Variants in PDZD2 observed in about 807,000 individuals in gnomAD.
The protein encoded by PDZD2 is PDZ domain-containing protein 2.
PDZD2 carries 90 observed loss-of-function variants against 220.7 expected under a neutral mutation model. The observed-to-expected ratio is 0.41, with a 90% CI of 0.34 to 0.49. The LOEUF (loss-of-function observed/expected upper bound fraction) is 0.49, where lower values mean the gene tolerates loss of function less well. Ranked by LOEUF, PDZD2 falls within the 20% of genes least tolerant of loss-of-function variation. The pLI is 0.28. For synonymous variants in PDZD2, 1,375 were observed against 1,450.5 expected (o/e 0.95, Z 1.18); for missense variants, 3,174 against 3,608.5 (o/e 0.88, Z 3.08).
chr5:31,893,522 A>G (rs1294424443), intron 2 of PDZD2, among the ~76,000 whole-genome samples: 1 of 152,194 alleles, frequency 6.6e-6, no homozygotes, highest in Non-Finnish European at 1.5e-5. Context: ...GTGAGCTGAG[A>G]TTGCATCACT....
At chr5:31,987,952 A>G (rs1171940135) in intron 3 of PDZD2, among the ~76,000 whole-genome samples, 1 of 152,090 alleles carries the variant, frequency 6.6e-6, no homozygotes, top group Non-Finnish European at 1.5e-5. Context: ...TCCTTTTGAA[A>G]TCCTGCAGCT....
chr5:32,091,127 C>G lies in PDZD2; in HGVS notation c.7679C>G (p.Thr2560Arg). The G allele has an allele frequency of 6.3e-7, 1 of 1,592,918 alleles. No individual in the cohort carries two copies. Among genetic ancestry groups the G allele is most frequent in the Non-Finnish European group, 8.6e-7 (1 of 1,163,308 alleles). Reference sequence around the variant, plus strand: ...GAGACACCCAGTTCAGCCAGTGATACGGGTGAAGCTGCCCAGGATCTGCCT... The same window carrying G: ...GAGACACCCAGTTCAGCCAGTGATAGGGGTGAAGCTGCCCAGGATCTGCCT... ...AAETPSSASD[T>R]GEAAQDLPFR... Residue 2560 changes from threonine to arginine, a missense_variant, in exon 20 of 25, where the codon ACG becomes AGG. By Grantham distance (71) the Thr-to-Arg change is moderately conservative (BLOSUM62 -1). Around this residue, in one of 4 missense-constraint regions of PDZD2, gnomAD observed 631 missense variants for 789.9 expected, o/e 0.80. Coordinates refer to ENST00000438447, the MANE Select transcript of PDZD2 (RefSeq NM_178140.4).
chr5:31,927,747 C>T (rs1221392662), intron 2 of PDZD2, among the ~76,000 whole-genome samples: 1 of 152,148 alleles, frequency 6.6e-6, no homozygotes, highest in African/African-American at 2.4e-5. Context: ...CATCTAGCTC[C>T]AGAAGATCTA....
chr5:32,058,052 A>G lies in PDZD2; in HGVS notation c.2149A>G (p.Lys717Glu), dbSNP rs1225251048. 6.2e-7 allele frequency: 1 copy of G among 1,611,302 alleles called. No individual in the cohort carries two copies. Among genetic ancestry groups the G allele is most frequent in the African/African-American group, 1.3e-5 (1 of 74,848 alleles). Residue 717 changes from lysine to glutamate, a missense_variant, in exon 12 of 25, where the codon AAG (lysine) becomes GAG (glutamate). By Grantham distance (56) the Lys-to-Glu change is moderately conservative. Coordinates refer to ENST00000438447, the MANE Select transcript of PDZD2 (RefSeq NM_178140.4). Reference protein sequence around the residue: ...DEGSSSSLGRKTPGPKDRIVM... With the variant: ...DEGSSSSLGRETPGPKDRIVM... ...AGGCAGTTCTTCATCCCTGGGTCGG[A>G]AGACCCCTGGGCCCAAGGACAGGAT...
intron 2 of PDZD2, among the ~76,000 whole-genome samples, chr5:31,882,960 G>A (rs1740060692): frequency 7.1e-6 from 1 of 141,742 alleles, no homozygotes; most frequent in Non-Finnish European, 1.5e-5. Context: ...AACCCTGGAG[G>A]CAGAGGTTGC....
At position 32,058,049 on chromosome 5, in the gene PDZD2, C is replaced by T. The variant is rs761710519; in HGVS notation, c.2146C>T (p.Arg716Trp). 94 of 1,612,000 alleles carry T rather than the reference C, an allele frequency of 5.8e-5. No individual in the cohort carries two copies. The East Asian group carries it at 1.1e-3, about 19-fold the overall frequency. The change falls in exon 12 of 25, where the codon CGG becomes TGG. Residue 716 changes from arginine to tryptophan, a missense_variant. Transcript: ENST00000438447. ...SDEGSSSSLGRKTPGPKDRIV... is the reference protein window; with the variant it reads ...SDEGSSSSLGWKTPGPKDRIV... Reference sequence around the variant, plus strand: ...TGAAGGCAGTTCTTCATCCCTGGGTCGGAAGACCCCTGGGCCCAAGGACAG... The same window carrying T: ...TGAAGGCAGTTCTTCATCCCTGGGTTGGAAGACCCCTGGGCCCAAGGACAG...
intron 2 of PDZD2, among the ~76,000 whole-genome samples, chr5:31,902,550 T>C (rs1370951050): frequency 6.6e-6 from 1 of 150,968 alleles, no homozygotes; most frequent in Non-Finnish European, 1.5e-5. Context: ...GGGTGCAATT[T>C]CAGCTCACTG....
chr5:32,089,387 G>A lies in PDZD2; in HGVS notation c.5939G>A (p.Arg1980Lys). ...CCCTCAGTGTCTGACACGAGCATCA[G>A]GACATTTGTCTCGCCCCTGACCTCT... Reference protein sequence around the residue: ...LKPSVSDTSIRTFVSPLTSPK... With the variant: ...LKPSVSDTSIKTFVSPLTSPK... Residue 1980 changes from arginine (R) to lysine (K), a missense_variant, in exon 20 of 25, where the codon AGG becomes AAG. Coordinates refer to ENST00000438447, the MANE Select transcript of PDZD2 (RefSeq NM_178140.4). 1 of 1,614,088 alleles carries A rather than the reference G, an allele frequency of 6.2e-7. No homozygotes were observed. Among genetic ancestry groups the A allele is most frequent in the Non-Finnish European group, 8.5e-7 (1 of 1,180,020 alleles).
intron 1 of PDZD2, among the ~76,000 whole-genome samples, chr5:31,776,450 TTTTATTTA>T (rs10592711): frequency 0.031 from 4,362 of 139,132 alleles, 211 homozygotes; most frequent in African/African-American, 0.1. Flanking sequence ...TGTGTTTTTA[TTTTATTTA>T]TTTATTTATT....
At chr5:32,100,888 C>T (rs1744191910) in intron 23 of PDZD2, 1 of 1,582,586 alleles carries the variant, frequency 6.3e-7, no homozygotes, top group Admixed American at 1.7e-5. Flanking sequence ...GATGCAAGTA[C>T]AGCAGCAACA....
chr5:31,827,690 T>G (rs762667978), intron 2 of PDZD2, among the ~76,000 whole-genome samples: 1 of 57,086 alleles, frequency 1.8e-5, no homozygotes, highest in African/African-American at 9.8e-5. Flanking sequence ...AGACTCTGTC[T>G]CAAAAAAAAT....
chr5:31,958,859 C>G (rs1747961281), intron 2 of PDZD2, among the ~76,000 whole-genome samples: 3 of 152,166 alleles, frequency 2.0e-5, no homozygotes, highest in African/African-American at 7.2e-5. Context: ...AACTCCTGAC[C>G]TCAAGCGATC....
intron 1 of PDZD2, among the ~76,000 whole-genome samples, chr5:31,751,089 A>G (rs968051776): frequency 1.3e-5 from 2 of 152,142 alleles, no homozygotes; most frequent in African/African-American, 4.8e-5. Context: ...CTAAAAATAC[A>G]AAAGTACCTG....
chr5:31,866,461 G>C (rs575116554), intron 2 of PDZD2, among the ~76,000 whole-genome samples: 63 of 152,240 alleles, frequency 4.1e-4, no homozygotes, highest in African/African-American at 1.5e-3. Context: ...GAGAGGGTGG[G>C]TATGACCCCC....
chr5:32,053,070 G>A (rs558861688), intron 9 of PDZD2, among the ~76,000 whole-genome samples: 7 of 152,328 alleles, frequency 4.6e-5, no homozygotes, highest in Non-Finnish European at 7.3e-5. Context: ...CCTCTGTATG[G>A]ATTCAAGTGG....
At position 32,087,830 on chromosome 5, in the gene PDZD2, C is replaced by T; in HGVS notation, c.4382C>T (p.Pro1461Leu). The T allele has an allele frequency of 6.2e-7, 1 of 1,612,246 alleles. No homozygotes were observed. The highest frequency in any genetic ancestry group is 8.5e-7 in the Non-Finnish European group (1 of 1,179,416). Residue 1461 changes from proline (P) to leucine (L), a missense_variant, in exon 20 of 25, where the codon CCA becomes CTA. This residue lies in a region of PDZD2 where 1,861 missense variants were observed against 2,001.0 expected (regional missense o/e 0.93). Transcript: ENST00000438447. The surrounding 1 kb of genome is among the most constrained non-coding windows in gnomAD (Gnocchi z 4.0). ...SQEGSAQGHP[P>L]AGAGGGSSCR... Reference sequence around the variant, plus strand: ...GAGGGCAGTGCTCAGGGCCACCCACCAGCCGGGGCTGGAGGTGGGAGCTCC... The same window carrying T: ...GAGGGCAGTGCTCAGGGCCACCCACTAGCCGGGGCTGGAGGTGGGAGCTCC...
chr5:31,904,008 A>G (rs1460443484), intron 2 of PDZD2, among the ~76,000 whole-genome samples: 1 of 149,240 alleles, frequency 6.7e-6, no homozygotes, highest in East Asian at 1.9e-4. Context: ...CTGGGATTAC[A>G]GGCATGAGCC....
intron 2 of PDZD2, among the ~76,000 whole-genome samples, chr5:31,878,554 G>GTTTTTTTTTT (rs1411853055): frequency 2.5e-5 from 1 of 39,258 alleles, no homozygotes; most frequent in Non-Finnish European, 5.3e-5. Flanking sequence ...GATGACCTCG[G>GTTTTTTTTTT]CTTTTTTTTT....
At chr5:31,723,728 C>A (rs144526282) in intron 1 of PDZD2, among the ~76,000 whole-genome samples, 3,896 of 152,252 alleles carry the variant, frequency 0.026, 86 homozygotes, top group Non-Finnish European at 0.039. Flanking sequence ...AGTGATTCTC[C>A]TGCCTCAGCC....
Sources: allele counts gnomAD v4.1 joint callset (sites outside exome capture counted in the v4.1 genomes callset), GRCh38; gene constraint gnomAD v4.1.1; regional missense constraint gnomAD v4.1.1; non-coding constraint Gnocchi (gnomAD v3.1); transcripts MANE v1.5; gene names NCBI Gene and HGNC (gene_info 2026-07-23, HGNC 2026-07-21).